The following SEZ6L variants were observed in gnomAD, a reference collection of about 807,000 sequenced individuals.
The protein encoded by SEZ6L is seizure 6-like protein.
A neutral mutation model predicts 106.2 loss-of-function variants in SEZ6L; 37 were observed. The ratio of observed to expected loss-of-function variants is 0.35; its 90% CI spans 0.27 to 0.46. The LOEUF (loss-of-function observed/expected upper bound fraction) is 0.46, where lower values mean the gene tolerates loss of function less well. SEZ6L is among the 20% of genes least tolerant of loss of function. SEZ6L has a pLI of 1.00. For missense variants in SEZ6L, 1,172 were observed against 1,332.8 expected, an observed-to-expected ratio of 0.88 and a Z score of 1.88; for synonymous variants, 541 against 570.4, an observed-to-expected ratio of 0.95 and a Z score of 0.73.
chr22:26,259,041 A>G (rs2079916325), intron 1 of SEZ6L, among the ~76,000 whole-genome samples: 1 of 152,224 alleles, frequency 6.6e-6, no homozygotes, highest in Non-Finnish European at 1.5e-5. Flanking sequence ...CAATGGAGGT[A>G]AAGGAAATGA....
chr22:26,345,066 A>G (rs922513264), intron 10 of SEZ6L, among the ~76,000 whole-genome samples: 2 of 152,302 alleles, frequency 1.3e-5, no homozygotes, highest in African/African-American at 4.8e-5. Flanking sequence ...TTTCTGGGGT[A>G]CAAGCCCTGG....
At chr22:26,240,082 ACACACACACT>A (rs58733940) in intron 1 of SEZ6L, among the ~76,000 whole-genome samples, 3,864 of 141,656 alleles carry the variant, frequency 0.027, 75 homozygotes, top group East Asian at 0.091. Flanking sequence ...ACACACACAC[ACACACACACT>A]CACACACACA....
At chr22:26,176,912 C>T (rs545648145) in intron 1 of SEZ6L, among the ~76,000 whole-genome samples, 1 of 152,182 alleles carries the variant, frequency 6.6e-6, no homozygotes, top group Admixed American at 6.5e-5. Context: ...TTTTATCCCT[C>T]TACTATGGGT....
chr22:26,305,642 A>T (rs2081605794), intron 5 of SEZ6L, among the ~76,000 whole-genome samples: 1 of 152,220 alleles, frequency 6.6e-6, no homozygotes, highest in Non-Finnish European at 1.5e-5. Flanking sequence ...TTTTGTAATT[A>T]AAAGTCAGGG....
chr22:26,302,038 T>C (rs117563845), intron 5 of SEZ6L, among the ~76,000 whole-genome samples: 12,470 of 152,208 alleles, frequency 0.082, 618 homozygotes, highest in Middle Eastern at 0.13. Context: ...GAAATCAAGG[T>C]GGACAATATC....
intron 9 of SEZ6L, among the ~76,000 whole-genome samples, chr22:26,339,028 C>T (rs1346324358): frequency 6.6e-6 from 1 of 151,834 alleles, no homozygotes; most frequent in Non-Finnish European, 1.5e-5. Context: ...TTATCTGCCT[C>T]GAGGTCTCCT....
At chr22:26,271,618 T>C (rs1791034648) in intron 1 of SEZ6L, among the ~76,000 whole-genome samples, 1 of 152,174 alleles carries the variant, frequency 6.6e-6, no homozygotes, top group South Asian at 2.1e-4. Context: ...TTTACAAGTA[T>C]CTGGGACCTC....
chr22:26,216,984 C>G (rs979147241), intron 1 of SEZ6L, among the ~76,000 whole-genome samples: 18 of 152,198 alleles, frequency 1.2e-4, no homozygotes, highest in Admixed American at 1.2e-3. Flanking sequence ...CTCTTAACCA[C>G]TGGGCTCTCC....
chr22:26,211,039 T>G (rs1314750841), intron 1 of SEZ6L, among the ~76,000 whole-genome samples: 1 of 152,144 alleles, frequency 6.6e-6, no homozygotes, highest in Non-Finnish European at 1.5e-5. Flanking sequence ...CTCATCCGCA[T>G]TTTTTGCCAG....
intron 1 of SEZ6L, among the ~76,000 whole-genome samples, chr22:26,179,064 A>G (rs1457447570): frequency 6.6e-6 from 1 of 152,118 alleles, no homozygotes; most frequent in Non-Finnish European, 1.5e-5. Flanking sequence ...ATGAAAGTAG[A>G]GGTCCCATGA....
chr22:26,178,912 T>C (rs1370195403), intron 1 of SEZ6L, among the ~76,000 whole-genome samples: 1 of 152,020 alleles, frequency 6.6e-6, no homozygotes, highest in Non-Finnish European at 1.5e-5. Flanking sequence ...AGAGAGGAAA[T>C]AGTATATTCT....
Position 26,292,156 on chromosome 22 carries a change from GGAAGGAAGGAGGAAGGAAA to G in SEZ6L, c.95-237_95-219del, listed in dbSNP as rs2081144655. On this transcript the variant is annotated intron_variant, in intron 1 of 16. Transcript: ENST00000248933. ...GGAAAGAAAGAAAGAAAGGAAGGAA[GGAAGGAAGGAGGAAGGAAA>G]GAAGGAAGGAGGGAGGGTGGGAGGA... 1.6e-5 allele frequency: 7 copies of G among 426,168 alleles called. No individual in the cohort carries two copies. The Admixed American group carries it at 2.8e-4, about 17-fold the overall frequency. The allele number at this position is 426,168 out of a possible 1,614,324, so 26.4% of individuals were successfully genotyped here.
intron 1 of SEZ6L, among the ~76,000 whole-genome samples, chr22:26,282,911 CAATGAGCAATGCAATTTCT>C (rs1815327468): frequency 6.6e-6 from 1 of 151,956 alleles, no homozygotes; most frequent in Admixed American, 6.5e-5. Context: ...TTTGGCTGAG[CAATGAGCAATGCAATTTCT>C]TTTTTTTTGA....
intron 1 of SEZ6L, among the ~76,000 whole-genome samples, chr22:26,171,196 C>A (rs931147445): frequency 5.3e-5 from 8 of 152,168 alleles, no homozygotes; most frequent in Admixed American, 5.2e-4. Context: ...ACCCCCACCC[C>A]TTTTTTATGG....
At chr22:26,324,097 C>A (rs867621370) in intron 9 of SEZ6L, among the ~76,000 whole-genome samples, 65 of 148,520 alleles carry the variant, frequency 4.4e-4, no homozygotes, top group African/African-American at 7.7e-4. Flanking sequence ...CACACACACA[C>A]ACACAAACAC....
chr22:26,176,004 G>T (rs149794236), intron 1 of SEZ6L, among the ~76,000 whole-genome samples: 217 of 152,314 alleles, frequency 1.4e-3, no homozygotes, highest in Non-Finnish European at 2.7e-3. Context: ...TTCTTCCTGG[G>T]CTGGTTATAG....
intron 1 of SEZ6L, among the ~76,000 whole-genome samples, chr22:26,172,789 C>T (rs967966346): frequency 4.6e-5 from 7 of 152,142 alleles, no homozygotes; most frequent in African/African-American, 1.4e-4. Context: ...CCTTGACACA[C>T]GCAGTGAAAA....
chr22:26,372,071 C>T (rs1055310185), intron 13 of SEZ6L, among the ~76,000 whole-genome samples: 3 of 152,210 alleles, frequency 2.0e-5, no homozygotes, highest in African/African-American at 7.2e-5. Flanking sequence ...GTGAGCCCCC[C>T]TCCCTCTCTG....
At chr22:26,267,444 A>G (rs765918613) in intron 1 of SEZ6L, among the ~76,000 whole-genome samples, 3 of 152,238 alleles carry the variant, frequency 2.0e-5, no homozygotes, top group Non-Finnish European at 4.4e-5. Flanking sequence ...AGAGCTTTGA[A>G]TGCTAGGCTA....
Sources: gnomAD v4.1 joint callset for allele counts (sites outside exome capture counted in the v4.1 genomes callset) on GRCh38, gnomAD v4.1.1 for gene constraint, MANE v1.5 for transcripts, NCBI Gene and HGNC (gene_info 2026-07-23, HGNC 2026-07-21) for gene names.